Variants in VDAC1 observed in about 807,000 individuals in gnomAD.
VDAC1 encodes the protein voltage dependent anion channel 1, also known as non-selective voltage-gated ion channel VDAC1.
Under a neutral mutation model 34.7 loss-of-function variants are expected in VDAC1, and 10 were observed. That is an observed-to-expected ratio of 0.29 (90% CI 0.18 to 0.49). The LOEUF (loss-of-function observed/expected upper bound fraction) is 0.49. Ranked by LOEUF, VDAC1 falls within the 20% of genes least tolerant of loss-of-function variation. VDAC1 has a pLI of 0.99. For missense variants in VDAC1, 230 were observed against 347.9 expected, an observed-to-expected ratio of 0.66 and a Z score of 2.69; for synonymous variants, 130 against 136.0, an observed-to-expected ratio of 0.96 and a Z score of 0.30.
the VDAC1 span, among the ~76,000 whole-genome samples, chr5:134,037,623 G>T: frequency 2.4e-4 from 36 of 152,140 alleles, 1 homozygote; most frequent in Admixed American, 2.2e-3. Flanking sequence ...CCACCTTTTT[G>T]GGCTAAACCA....
At chr5:134,053,588 G>A in the VDAC1 span, among the ~76,000 whole-genome samples, 4 of 152,170 alleles carry the variant, frequency 2.6e-5, no homozygotes, top group South Asian at 4.1e-4. Context: ...AGCCTGGGGG[G>A]AAACAGAACA....
At chr5:134,104,901 T>C in the VDAC1 span, among the ~76,000 whole-genome samples, 1 of 152,226 alleles carries the variant, frequency 6.6e-6, no homozygotes, top group African/African-American at 2.4e-5. Context: ...CAGACAGCTC[T>C]GAAGGCTGCA....
At chr5:134,002,965 CA>C (rs35606324) in intron 1 of VDAC1, among the ~76,000 whole-genome samples, 38 of 146,068 alleles carry the variant, frequency 2.6e-4, no homozygotes, top group Non-Finnish European at 2.3e-4. Context: ...GACCCTGTCT[CA>C]AAAAAAAAAA....
upstream of VDAC1, among the ~76,000 whole-genome samples, chr5:134,007,561 A>G (rs973822742): frequency 1.3e-5 from 2 of 151,386 alleles, no homozygotes; most frequent in African/African-American, 4.8e-5. Flanking sequence ...CCCCACCTCC[A>G]TTCCATCTGC....
the VDAC1 span, among the ~76,000 whole-genome samples, chr5:134,016,939 G>A: frequency 6.6e-6 from 1 of 152,348 alleles, no homozygotes; most frequent in East Asian, 1.9e-4. Flanking sequence ...CACAAGGAAA[G>A]GGCTGTGTTT....
intron 5 of VDAC1, among the ~76,000 whole-genome samples, chr5:133,986,787 C>T (rs1426241941): frequency 6.6e-6 from 1 of 152,014 alleles, no homozygotes; most frequent in East Asian, 1.9e-4. Context: ...ACTAGATGAG[C>T]GTGGTACACT....
chr5:134,038,233 G>T, the VDAC1 span, among the ~76,000 whole-genome samples: 3 of 152,342 alleles, frequency 2.0e-5, no homozygotes, highest in East Asian at 5.8e-4. Context: ...GATTAGGAAA[G>T]GCCTCTGACA....
chr5:133,991,118 T>C lies in VDAC1; in HGVS notation c.154A>G (p.Thr52Ala), dbSNP rs768675689. The C allele has an allele frequency of 1.2e-5, 19 of 1,613,240 alleles. No homozygotes were observed. Among genetic ancestry groups the C allele is most frequent in the Admixed American group, 1.7e-5 (1 of 60,000 alleles). Residue 52 changes from threonine to alanine, a missense_variant, in exon 4 of 9, where the codon ACC (threonine) becomes GCC (alanine). By Grantham distance (58) the Thr-to-Ala change is moderately conservative (BLOSUM62 0). Transcript: ENST00000265333. Reference sequence around the variant, plus strand: ...GTTTCCAGACTGCCCGTCACTTTGGTGGTCTCAGTGTTGGCTGAGCCTGAG... The same window carrying C: ...GTTTCCAGACTGCCCGTCACTTTGGCGGTCTCAGTGTTGGCTGAGCCTGAG... The part of the protein sequence containing the change: ...TSSGSANTET[T>A]KVTGSLETKY...
the VDAC1 span, among the ~76,000 whole-genome samples, chr5:134,024,988 C>A: frequency 6.6e-6 from 1 of 152,252 alleles, no homozygotes; most frequent in Non-Finnish European, 1.5e-5. Context: ...TGCATGGCCC[C>A]AGCCAACACC....
the VDAC1 span, among the ~76,000 whole-genome samples, chr5:134,042,899 T>C: frequency 3.3e-5 from 5 of 152,162 alleles, no homozygotes; most frequent in African/African-American, 1.2e-4. Flanking sequence ...GGAAAGCACA[T>C]AGTGGGACAG....
the VDAC1 span, among the ~76,000 whole-genome samples, chr5:134,047,231 G>T: frequency 1.3e-5 from 2 of 152,196 alleles, no homozygotes; most frequent in African/African-American, 4.8e-5. Flanking sequence ...TGCATGAAAA[G>T]CCGCCTGCTG....
chr5:134,053,055 C>A, the VDAC1 span, among the ~76,000 whole-genome samples: 1 of 151,998 alleles, frequency 6.6e-6, no homozygotes, highest in Non-Finnish European at 1.5e-5. Flanking sequence ...GTGGAGGTTG[C>A]GGTGAGCTGA....
chr5:134,016,886 T>C, the VDAC1 span, among the ~76,000 whole-genome samples: 3 of 152,304 alleles, frequency 2.0e-5, no homozygotes, highest in Admixed American at 6.5e-5. Flanking sequence ...ACCCTGGCCA[T>C]GCACGACTTG....
the VDAC1 span, among the ~76,000 whole-genome samples, chr5:134,045,602 T>C: frequency 2.0e-5 from 3 of 152,130 alleles, no homozygotes; most frequent in Non-Finnish European, 4.4e-5. Flanking sequence ...CTCTTCTGCC[T>C]CCCTCTTTGA....
intron 1 of VDAC1, among the ~76,000 whole-genome samples, chr5:134,004,245 C>A (rs982311375): frequency 2.0e-5 from 3 of 151,996 alleles, no homozygotes; most frequent in African/African-American, 7.2e-5. Flanking sequence ...CGAGCGTGGG[C>A]GGCGAACGGG....
At position 133,983,379 on chromosome 5, in the gene VDAC1, GTGT is replaced by G. The variant is rs201353673; in HGVS notation, c.324-2426_324-2424del. Among the ~76,000 whole-genome samples, 1,063 of 152,050 alleles carry G rather than the reference GTGT, an allele frequency of 7.0e-3. 13 individuals carry two copies. The highest frequency in any genetic ancestry group is 0.022 in the African/African-American group (904 of 41,444). On this transcript the variant is annotated intron_variant, in intron 5 of 8. Transcript: ENST00000265333. ...ATAAAATATTTACAGCTGAAATTAA[GTGT>G]TGTTATTTACTTAAAATAGTATGTG...
At chr5:134,078,324 G>C in the VDAC1 span, among the ~76,000 whole-genome samples, 15 of 152,278 alleles carry the variant, frequency 9.9e-5, no homozygotes, top group East Asian at 1.7e-3. Context: ...GGCAGGACAG[G>C]GGGGAGGCGA....
At chr5:134,030,602 TTC>T in the VDAC1 span, among the ~76,000 whole-genome samples, 94 of 108,776 alleles carry the variant, frequency 8.6e-4, no homozygotes, top group African/African-American at 1.0e-3. Context: ...CTTTCTTTCT[TTC>T]TTTTTTTTTT....
chr5:134,101,340 A>G, the VDAC1 span, among the ~76,000 whole-genome samples: 5 of 152,124 alleles, frequency 3.3e-5, no homozygotes, highest in Non-Finnish European at 7.4e-5. Context: ...CTGTAATCCC[A>G]GCACTTTGGG....
Sources: allele counts gnomAD v4.1 joint callset (sites outside exome capture counted in the v4.1 genomes callset), GRCh38; gene constraint gnomAD v4.1.1; transcripts MANE v1.5; gene names NCBI Gene and HGNC (gene_info 2026-07-23, HGNC 2026-07-21).